Variants in NPLOC4 observed in about 807,000 individuals in gnomAD.
NPLOC4 encodes NPL4 homolog, ubiquitin recognition factor, also known as nuclear protein localization protein 4 homolog.
In NPLOC4, 18 loss-of-function variants were observed where a neutral mutation model predicts 80.6. The ratio of observed to expected loss-of-function variants is 0.22; its 90% confidence interval spans 0.15 to 0.33. NPLOC4 has a LOEUF of 0.33. Ranked by LOEUF, NPLOC4 falls within the 10% of genes least tolerant of loss-of-function variation. NPLOC4 has a pLI of 1.00. For missense variants in NPLOC4, 540 were observed against 786.1 expected (o/e 0.69, Z 3.74); for synonymous variants, 313 against 301.5 (o/e 1.04, Z -0.39).
At chr17:81,627,251 G>A (rs1247625482) in intron 2 of NPLOC4, among the ~76,000 whole-genome samples, 1 of 151,734 alleles carries the variant, frequency 6.6e-6, no homozygotes, top group African/African-American at 2.4e-5. Context: ...CATTAGCCGG[G>A]CATGGTGGCG....
intron 11 of NPLOC4, among the ~76,000 whole-genome samples, chr17:81,594,819 G>A (rs1301311162): frequency 1.3e-5 from 2 of 151,684 alleles, no homozygotes; most frequent in South Asian, 2.1e-4. Flanking sequence ...GGTGGCGCAC[G>A]CGTGTAGTCC....
rs1330132762 is a variant in NPLOC4 at position 81,577,845 on chromosome 17, T to C, written c.1282-5757A>G. On this transcript the variant is annotated intron_variant, in intron 12 of 16. Transcript: ENST00000331134. This position sits in a 1 kb window ranked among gnomAD's most constrained non-coding sequence, Gnocchi z 4.3. ...CCTCTCAGTCCCAGCACACCATCCT[T>C]GTCCCCAAGGCCACAGGGAACTGAC... 6.6e-6 allele frequency among the ~76,000 whole-genome samples: 1 copy of C among 152,162 alleles called. No individual in the cohort carries two copies. The highest frequency in any genetic ancestry group is 6.5e-5 in the Admixed American group (1 of 15,274).
rs1044722975 is a variant in NPLOC4 at position 81,580,770 on chromosome 17, G to A, written c.1281+8174C>T. Among the ~76,000 whole-genome samples the A allele has an allele frequency of 6.6e-6, 1 of 152,214 alleles. No individual in the cohort carries two copies. The highest frequency in any genetic ancestry group is 1.5e-5 in the Non-Finnish European group (1 of 68,042). On this transcript the variant is annotated intron_variant, in intron 12 of 16. Transcript: ENST00000331134. This position sits in a 1 kb window ranked among gnomAD's most constrained non-coding sequence, Gnocchi z 4.4. Reference sequence around the variant, plus strand: ...CCATTCTCCATGAACTCCAGGGCCTGGCAATTCACAGGTGTTCTCTAAACA... The same window carrying A: ...CCATTCTCCATGAACTCCAGGGCCTAGCAATTCACAGGTGTTCTCTAAACA...
At chr17:81,592,090 G>A (rs2034765565) in intron 11 of NPLOC4, among the ~76,000 whole-genome samples, 1 of 152,210 alleles carries the variant, frequency 6.6e-6, no homozygotes, top group Non-Finnish European at 1.5e-5. Flanking sequence ...GAAAGGGGAG[G>A]AAGGACAGAT....
chr17:81,611,444 G>C (rs1358881615), intron 4 of NPLOC4, among the ~76,000 whole-genome samples: 3 of 150,906 alleles, frequency 2.0e-5, no homozygotes, highest in African/African-American at 7.3e-5. Context: ...CCGCCTCCTC[G>C]TTTCAAGCGA....
At chr17:81,564,855 CA>C (rs2033961429) in intron 16 of NPLOC4, 1 of 161,020 alleles carries the variant, frequency 6.2e-6, no homozygotes, top group Non-Finnish European at 1.3e-5. Context: ...GCTGTGTTAA[CA>C]GAAGGATTCT....
At position 81,559,354 on chromosome 17, in the gene NPLOC4, T is replaced by C. The variant is rs1039388197; in HGVS notation, c.1732A>G (p.Thr578Ala). Residue 578 changes from threonine to alanine, a missense_variant, in exon 17 of 17, where the codon ACG becomes GCG. By Grantham distance (58) the Thr-to-Ala change is moderately conservative. Around this residue, in one of 6 missense-constraint regions of NPLOC4, gnomAD observed 87 missense variants for 70.3 expected, o/e 1.24. Coordinates refer to ENST00000331134, the MANE Select transcript of NPLOC4 (RefSeq NM_017921.4). Reference protein sequence around the residue: ...EYGAVGGSTHTATAAMWACQH... With the variant: ...EYGAVGGSTHAATAAMWACQH... ...CAGGCCCACATGGCTGCAGTGGCCGTGTGTGTGGAGCCCCCGACGGCGCCG... is the reference window on the plus strand; with the variant it reads ...CAGGCCCACATGGCTGCAGTGGCCGCGTGTGTGGAGCCCCCGACGGCGCCG... 9.3e-6 allele frequency: 15 copies of C among 1,607,926 alleles called. No homozygotes were observed. The highest frequency in any genetic ancestry group is 2.2e-5 in the East Asian group (1 of 44,682).
chr17:81,622,079 G>C (rs914817386), intron 3 of NPLOC4, 87 bp downstream of exon 3: 1 of 883,242 alleles, frequency 1.1e-6, no homozygotes. Context: ...GTGTGATGAG[G>C]AAAGAGGATA....
chr17:81,619,697 G>A (rs906947196), intron 3 of NPLOC4, among the ~76,000 whole-genome samples: 3 of 151,828 alleles, frequency 2.0e-5, no homozygotes, highest in African/African-American at 4.8e-5. Context: ...TGGCCAACAC[G>A]GTGAAACCCT....
rs2034397869 is a variant in NPLOC4, at chr17:81,580,023, G to A, written c.1282-7935C>T. 6.6e-6 allele frequency among the ~76,000 whole-genome samples: 1 copy of A among 152,246 alleles called. No homozygotes were observed. The highest frequency in any genetic ancestry group is 2.4e-5 in the African/African-American group (1 of 41,538). On this transcript the variant is annotated intron_variant, in intron 12 of 16. Transcript: ENST00000331134. The surrounding 1 kb of genome is among the most constrained non-coding windows in gnomAD (Gnocchi z 4.4). ...GCCTCCTCTCCTGACTCACCAGGGA[G>A]CTCCTTTCTTGCCTGCCTTCCAGGG...
At chr17:81,624,281 G>C (rs987549540) in intron 2 of NPLOC4, among the ~76,000 whole-genome samples, 4 of 152,180 alleles carry the variant, frequency 2.6e-5, no homozygotes, top group African/African-American at 7.2e-5. Flanking sequence ...AGCTAGGCGT[G>C]GTGGCGGACA....
intron 12 of NPLOC4, among the ~76,000 whole-genome samples, chr17:81,586,378 G>A (rs952171469): frequency 6.6e-6 from 1 of 152,142 alleles, no homozygotes; most frequent in African/African-American, 2.4e-5. Flanking sequence ...GGGTAGCCAA[G>A]GTGGGCAAAT....
In NPLOC4 at chr17:81,587,630, TA is replaced by T. The variant is rs57639613; in HGVS notation, c.1281+1313del. On this transcript the variant is annotated intron_variant, in intron 12 of 16. Coordinates refer to ENST00000331134, the MANE Select transcript of NPLOC4 (RefSeq NM_017921.4). ...GCGCCCAGCTGACACCCTGTCTCTT[TA>T]AAAAAAAAAAAAAAAAGGAAAAAAG... Among the ~76,000 whole-genome samples the T allele has an allele frequency of 4.8e-3, 489 of 102,106 alleles. 1 individual carries two copies. Among genetic ancestry groups the T allele is most frequent in the Middle Eastern group, 7.5e-3 (1 of 134 alleles). The allele number at this position is 102,106 out of a possible 152,430, so 67.0% of individuals were successfully genotyped here.
At chr17:81,608,570 AAAT>A (rs1239230935) in intron 6 of NPLOC4, among the ~76,000 whole-genome samples, 155 bp downstream of exon 6, 1 of 152,188 alleles carries the variant, frequency 6.6e-6, no homozygotes, top group African/African-American at 2.4e-5. Flanking sequence ...AGTACATAAA[AAAT>A]AAATAAATAA....
intron 12 of NPLOC4, among the ~76,000 whole-genome samples, chr17:81,587,073 T>C (rs1171883829): frequency 6.6e-6 from 1 of 152,100 alleles, no homozygotes; most frequent in Non-Finnish European, 1.5e-5. Context: ...GAAAACACAT[T>C]GCAGCTGCAG....
chr17:81,630,920 C>A (rs1477697201), intron 1 of NPLOC4, among the ~76,000 whole-genome samples: 1 of 151,480 alleles, frequency 6.6e-6, no homozygotes, highest in Admixed American at 6.6e-5. Flanking sequence ...TGCCTGTAAT[C>A]CCAGCACTTT....
chr17:81,622,304 A>C (rs1432929107), intron 2 of NPLOC4, 26 bp from the exon 3 acceptor site: 1 of 1,484,466 alleles, frequency 6.7e-7, no homozygotes, highest in Non-Finnish European at 9.4e-7. Context: ...AAGAACAGAA[A>C]TTTAATGAAA....
intron 1 of NPLOC4, among the ~76,000 whole-genome samples, chr17:81,631,127 C>T (rs185433750): frequency 6.6e-6 from 1 of 151,326 alleles, no homozygotes; most frequent in Non-Finnish European, 1.5e-5. Context: ...GAGCCAAGAT[C>T]GTGCCATTGC....
chr17:81,622,210 C>T lies in NPLOC4; in HGVS notation c.165G>A (p.Glu55=). Residue 55 remains glutamate, a synonymous_variant, in exon 3 of 17, where the codon GAG becomes GAA. Transcript: ENST00000331134. ...GGGATTTGTTGGAGGAGGCTGTTATCTCTCCGGTCTTGTTTCTATTGATGT... is the reference window on the plus strand; with the variant it reads ...GGGATTTGTTGGAGGAGGCTGTTATTTCTCCGGTCTTGTTTCTATTGATGT... The part of the protein sequence containing the change: ...SVYINRNKTG[E]ITASSNKSLN... The T allele has an allele frequency of 1.2e-6, 2 of 1,613,848 alleles. No individual in the cohort carries two copies. Among genetic ancestry groups the T allele is most frequent in the Non-Finnish European group, 1.7e-6 (2 of 1,179,786 alleles).
Sources: gnomAD v4.1 joint callset for allele counts (sites outside exome capture counted in the v4.1 genomes callset) on GRCh38, gnomAD v4.1.1 for gene constraint, gnomAD v4.1.1 regional missense constraint, Gnocchi (gnomAD v3.1) non-coding constraint, MANE v1.5 for transcripts, NCBI Gene and HGNC (gene_info 2026-07-23, HGNC 2026-07-21) for gene names.